The following ASAH1 variants were observed in gnomAD, a reference collection of about 807,000 sequenced individuals.
ASAH1 encodes N-acylsphingosine amidohydrolase 1, also known as acid ceramidase.
A neutral mutation model predicts 59.5 loss-of-function variants in ASAH1; 70 were observed. The observed-to-expected ratio is 1.18, with a 90% confidence interval of 0.97 to 1.43. The LOEUF is 1.43. Among genes scored for constraint, ASAH1 ranks in the 40% most tolerant of loss-of-function variants. ASAH1 has a pLI of 0.00. For synonymous variants in ASAH1, 213 were observed against 166.5 expected (o/e 1.28, Z -2.15); for missense variants, 660 against 482.5 (o/e 1.37, Z -3.45).
rs771883061 is a variant in ASAH1, at chr8:18,073,222, C to T, written c.126-1832G>A. ...ACATTTCAGTATTTAACTTGTGCGC[C>T]TCCATTTCCCCATAAGAATAAAAGA... On this transcript the variant is annotated intron_variant, in intron 2 of 13. Coordinates refer to ENST00000637790, the MANE Select transcript of ASAH1 (RefSeq NM_177924.5). 1.4e-5 allele frequency: 22 copies of T among 1,549,576 alleles called. No homozygotes were observed. In the Admixed American group the frequency reaches 3.7e-4, roughly 26 times the overall value.
At chr8:18,074,539 C>T (rs1166332682) in intron 2 of ASAH1, among the ~76,000 whole-genome samples, 1 of 152,104 alleles carries the variant, frequency 6.6e-6, no homozygotes, top group African/African-American at 2.4e-5. Context: ...TGTACTGTTT[C>T]CCCCTACAAA....
intron 1 of ASAH1, among the ~76,000 whole-genome samples, chr8:18,082,938 C>A (rs1487903640): frequency 1.3e-5 from 2 of 152,176 alleles, no homozygotes; most frequent in Non-Finnish European, 2.9e-5. Flanking sequence ...TGTCCACATA[C>A]ATGTTCTGTG....
At chr8:18,059,210 G>C (rs1198577557) in intron 12 of ASAH1, 131 bp downstream of exon 12, 3 of 1,434,060 alleles carry the variant, frequency 2.1e-6, no homozygotes, top group Non-Finnish European at 2.9e-6. Flanking sequence ...AAAAAAATCA[G>C]TGGAGAGTGG....
intron 3 of ASAH1, among the ~76,000 whole-genome samples, chr8:18,070,334 G>T (rs13254628): frequency 6.6e-6 from 1 of 152,110 alleles, no homozygotes; most frequent in Non-Finnish European, 1.5e-5. Context: ...ATTTTTAGTA[G>T]AGACGGGGTT....
Position 18,058,812 on chromosome 8 carries a change from T to C in ASAH1, c.1098+23A>G. 1 of 1,593,066 alleles carries C rather than the reference T, an allele frequency of 6.3e-7. No homozygotes were observed. Among genetic ancestry groups the C allele is most frequent in the Non-Finnish European group, 8.6e-7 (1 of 1,160,938 alleles). On this transcript the variant is annotated intron_variant, in intron 13 of 13. Coordinates refer to ENST00000637790, the MANE Select transcript of ASAH1 (RefSeq NM_177924.5). ...CCAAATTCTTTCCCTAAAAGGCAAA[T>C]ATACATATAACATTTAAAATACCTT...
rs186906571 is a variant in ASAH1 at position 18,078,088 on chromosome 8, A to C, written c.79-2501T>G. On this transcript the variant is annotated intron_variant, in intron 1 of 13. Coordinates refer to ENST00000637790, the MANE Select transcript of ASAH1 (RefSeq NM_177924.5). ...AAACCAATGCCTCAATTTAATTCCT[A>C]ACAGAATAATCTGCGCGTAGTTCAG... 4.6e-3 allele frequency among the ~76,000 whole-genome samples: 700 copies of C among 152,286 alleles called. 2 individuals carry two copies. Among genetic ancestry groups the C allele is most frequent in the African/African-American group, 0.016 (678 of 41,548 alleles).
At position 18,057,419 on chromosome 8, in the gene ASAH1, A is replaced by C. The variant is rs557337246; in HGVS notation, c.*115T>G. 4.0e-6 allele frequency: 3 copies of C among 752,432 alleles called. No homozygotes were observed. The highest frequency in any genetic ancestry group is 2.1e-5 in the Admixed American group (1 of 48,044). 46.6% of individuals were successfully genotyped at this position (752,432 alleles called of 1,614,324 possible). On this transcript the variant is annotated 3_prime_UTR_variant, in exon 14 of 14. Coordinates refer to ENST00000637790, the MANE Select transcript of ASAH1 (RefSeq NM_177924.5). The stretch of plus-strand genomic sequence containing the variant: ...TGGACGAAGACAAGCTATTGACTCA[A>C]AGAGAACCTGCCGCGAGTCTTAGTC...
At chr8:18,065,926 T>C (rs932398395) in intron 5 of ASAH1, 2 of 139,736 alleles carry the variant, frequency 1.4e-5, no homozygotes, top group South Asian at 4.4e-4. Flanking sequence ...ATATATGTAT[T>C]GTATATTTAT....
chr8:18,059,288 A>C, intron 12 of ASAH1, 53 bp downstream of exon 12: 3 of 1,613,238 alleles, frequency 1.9e-6, no homozygotes, highest in Non-Finnish European at 2.5e-6. Flanking sequence ...GCCAGAACCA[A>C]GGGAATCTTT....
intron 1 of ASAH1, among the ~76,000 whole-genome samples, chr8:18,080,794 G>A (rs1167128908): frequency 1.3e-5 from 2 of 152,204 alleles, no homozygotes; most frequent in African/African-American, 4.8e-5. Flanking sequence ...CTGACCTCAC[G>A]TGATCTGCCC....
chr8:18,069,063 C>G (rs890421197), intron 4 of ASAH1, among the ~76,000 whole-genome samples: 1 of 150,434 alleles, frequency 6.6e-6, no homozygotes, highest in Non-Finnish European at 1.5e-5. Flanking sequence ...ATCCCTTGAG[C>G]CTGGGAGATC....
intron 7 of ASAH1, 38 bp from the exon 8 acceptor site, chr8:18,062,461 A>G (rs1204267281): frequency 1.9e-6 from 3 of 1,609,528 alleles, no homozygotes; most frequent in African/African-American, 1.3e-5. Flanking sequence ...TCAGAAACAC[A>G]GTGATAGTAA....
At chr8:18,075,204 A>G (rs566175446) in intron 2 of ASAH1, among the ~76,000 whole-genome samples, 4 of 152,156 alleles carry the variant, frequency 2.6e-5, no homozygotes, top group Admixed American at 2.6e-4. Flanking sequence ...ACTGTTAGCC[A>G]GCATGGTCTC....
chr8:18,060,954 T>C, intron 10 of ASAH1: 1 of 173,352 alleles, frequency 5.8e-6, no homozygotes, highest in Non-Finnish European at 1.2e-5. Flanking sequence ...GGTTTCGCCA[T>C]GTTGCTCAGA....
intron 2 of ASAH1, 149 bp downstream of exon 2, chr8:18,075,392 T>A (rs549424436): frequency 1.5e-5 from 13 of 878,280 alleles, no homozygotes; most frequent in Non-Finnish European, 2.5e-5. Context: ...AAATGCATAA[T>A]AAACAAATCT....
intron 1 of ASAH1, among the ~76,000 whole-genome samples, chr8:18,078,805 A>G (rs1186360142): frequency 2.0e-5 from 3 of 152,168 alleles, no homozygotes; most frequent in Non-Finnish European, 2.9e-5. Flanking sequence ...TGGATGGTAT[A>G]CTATGTACAC....
intron 13 of ASAH1, 71 bp from the exon 14 acceptor site, chr8:18,057,694 C>G (rs1799530581): frequency 2.9e-6 from 3 of 1,050,758 alleles, no homozygotes; most frequent in Non-Finnish European, 4.1e-6. Context: ...ATTAGCATTT[C>G]TATACTTGTA....
rs111909710 is a variant in ASAH1, at chr8:18,079,221, C to T, written c.79-3634G>A. Among the ~76,000 whole-genome samples, 344 of 142,962 alleles carry T rather than the reference C, an allele frequency of 2.4e-3. 1 individual carries two copies. Among genetic ancestry groups the T allele is most frequent in the African/African-American group, 8.7e-3 (336 of 38,496 alleles). 93.8% of individuals were successfully genotyped at this position (142,962 alleles called of 152,430 possible). On this transcript the variant is annotated intron_variant, in intron 1 of 13. Coordinates refer to ENST00000637790, the MANE Select transcript of ASAH1 (RefSeq NM_177924.5). ...CCGGGAGGTGGAAGTTGCAGTGAGA[C>T]GAGATAGTGTGACTGCACTCCAGCC...
chr8:18,065,882 T>TTTGTG (rs148853633), intron 5 of ASAH1: 1 of 143,542 alleles, frequency 7.0e-6, no homozygotes, highest in South Asian at 2.2e-4. Flanking sequence ...CAGATACACA[T>TTTGTG]TGTGTGTGTG....
Sources: gnomAD v4.1 joint callset for allele counts (sites outside exome capture counted in the v4.1 genomes callset) on GRCh38, gnomAD v4.1.1 for gene constraint, MANE v1.5 for transcripts, NCBI Gene and HGNC (gene_info 2026-07-23, HGNC 2026-07-21) for gene names.